Variants in LINGO2 observed in about 807,000 individuals in gnomAD.
LINGO2 encodes the protein leucine-rich repeat and immunoglobulin-like domain-containing nogo receptor-interacting protein 2.
In LINGO2, 14 loss-of-function variants were observed where a neutral mutation model predicts 30.6. That is an observed-to-expected ratio of 0.46 (90% CI 0.30 to 0.72). LINGO2 has a LOEUF of 0.72. LINGO2 is among the 30% of genes least tolerant of loss of function. LINGO2 has a pLI of 0.07. For synonymous variants in LINGO2, 317 were observed against 288.5 expected (o/e 1.10, Z -1.00); for missense variants, 729 against 751.7 (o/e 0.97, Z 0.35).
At chr9:28,996,339 A>G in the LINGO2 span, among the ~76,000 whole-genome samples, 1 of 152,178 alleles carries the variant, frequency 6.6e-6, no homozygotes, top group Non-Finnish European at 1.5e-5. Flanking sequence ...TATGTTAAAC[A>G]GTAGAGAATG....
chr9:27,949,988 T>C (rs1193182397), exon 6 of LINGO2: 1 of 1,614,084 alleles, frequency 6.2e-7, no homozygotes, highest in Admixed American at 1.7e-5. Flanking sequence ...TCTCTAGGTG[T>C]TTCAGGTGGA....
chr9:28,563,744 G>A (rs1192673020), intron 1 of LINGO2, among the ~76,000 whole-genome samples: 1 of 152,088 alleles, frequency 6.6e-6, no homozygotes, highest in East Asian at 1.9e-4. Flanking sequence ...TCTTTGTGGA[G>A]ACTATGATGC....
At chr9:29,144,849 A>G in the LINGO2 span, among the ~76,000 whole-genome samples, 7 of 152,144 alleles carry the variant, frequency 4.6e-5, no homozygotes, top group Non-Finnish European at 1.5e-5. Context: ...TGGGCAGGCA[A>G]AAAACATCTG....
intron 4 of LINGO2, among the ~76,000 whole-genome samples, chr9:28,111,340 G>A (rs964838935): frequency 1.6e-4 from 24 of 151,630 alleles, no homozygotes; most frequent in Non-Finnish European, 2.9e-4. Flanking sequence ...CCACTATGAC[G>A]CATGTATACC....
At position 28,537,673 on chromosome 9, in the gene LINGO2, A is replaced by G. The variant is rs547168291; in HGVS notation, c.-364-61648T>C. Among the ~76,000 whole-genome samples the G allele has an allele frequency of 3.9e-5, 6 of 152,206 alleles. No homozygotes were observed. In the East Asian group the frequency reaches 1.2e-3, roughly 29 times the overall value. On this transcript the variant is annotated intron_variant, in intron 1 of 5. Transcript: ENST00000379992. ...AGTATCCAGAATTAAACTCAGAGAA[A>G]GACGTAAAGATAATAGAAGTGAATA...
chr9:28,338,040 G>C (rs532886138), intron 3 of LINGO2, among the ~76,000 whole-genome samples: 1 of 152,264 alleles, frequency 6.6e-6, no homozygotes, highest in South Asian at 2.1e-4. Flanking sequence ...CCATGCACCT[G>C]GAAAAGCCAC....
rs186145933 is a variant in LINGO2, at chr9:28,406,703, A to G, written c.-278-33835T>C. Among the ~76,000 whole-genome samples, 14 of 152,304 alleles carry G rather than the reference A, an allele frequency of 9.2e-5. No homozygotes were observed. The East Asian group carries it at 1.9e-3, about 21-fold the overall frequency. On this transcript the variant is annotated intron_variant, in intron 2 of 5. Transcript: ENST00000379992. ...AGACAAACATGAATCCATCTGCAGC[A>G]TTCTCCAACCAAATTGTTCTTATTA...
At chr9:29,023,905 T>C in the LINGO2 span, among the ~76,000 whole-genome samples, 1 of 152,154 alleles carries the variant, frequency 6.6e-6, no homozygotes, top group African/African-American at 2.4e-5. Context: ...ATATGTATAA[T>C]ACAGATCTAT....
chr9:28,959,612 T>TCTCTCACACACACACACA, the LINGO2 span, among the ~76,000 whole-genome samples: 115 of 132,194 alleles, frequency 8.7e-4, 1 homozygote, highest in African/African-American at 3.3e-3. Flanking sequence ...TCTCTCTCCC[T>TCTCTCACACACACACACA]CACACACACA....
intron 2 of LINGO2, among the ~76,000 whole-genome samples, chr9:28,466,960 C>A (rs568407286): frequency 6.6e-5 from 10 of 151,820 alleles, no homozygotes; most frequent in Admixed American, 6.6e-4. Flanking sequence ...ACTAACTCTG[C>A]TGATGAGATA....
At chr9:29,049,458 C>A in the LINGO2 span, among the ~76,000 whole-genome samples, 1 of 152,000 alleles carries the variant, frequency 6.6e-6, no homozygotes, top group Non-Finnish European at 1.5e-5. Flanking sequence ...GGGTATATAC[C>A]CAAAATAAAG....
At chr9:29,204,803 C>T in the LINGO2 span, among the ~76,000 whole-genome samples, 1 of 152,142 alleles carries the variant, frequency 6.6e-6, no homozygotes, top group Non-Finnish European at 1.5e-5. Context: ...GTCTTTTTCT[C>T]ACCTTATTTA....
chr9:28,088,285 T>C (rs941002813), intron 4 of LINGO2, among the ~76,000 whole-genome samples: 4 of 151,824 alleles, frequency 2.6e-5, no homozygotes, highest in African/African-American at 9.7e-5. Context: ...GAAAAAGTGA[T>C]GGCACCTGAA....
chr9:28,880,639 G>A, the LINGO2 span, among the ~76,000 whole-genome samples: 6 of 151,618 alleles, frequency 4.0e-5, no homozygotes, highest in African/African-American at 1.2e-4. Context: ...CCCAACACCC[G>A]TAAAGGGTCT....
chr9:28,751,309 A>AAAAG, the LINGO2 span, among the ~76,000 whole-genome samples: 1 of 148,134 alleles, frequency 6.8e-6, no homozygotes. Context: ...AAAAAAAAAA[A>AAAAG]GGGAAGAATT....
the LINGO2 span, among the ~76,000 whole-genome samples, chr9:28,947,203 T>C: frequency 6.6e-6 from 1 of 152,074 alleles, no homozygotes; most frequent in Non-Finnish European, 1.5e-5. Context: ...ATATAGAAGC[T>C]TCAATTTCCA....
the LINGO2 span, among the ~76,000 whole-genome samples, chr9:29,206,851 AT>A: frequency 6.6e-6 from 1 of 152,196 alleles, no homozygotes; most frequent in Non-Finnish European, 1.5e-5. Context: ...ATATTTGCAT[AT>A]TAATTGATGT....
chr9:28,025,445 C>T (rs1282085910), intron 4 of LINGO2, among the ~76,000 whole-genome samples: 2 of 152,208 alleles, frequency 1.3e-5, no homozygotes, highest in African/African-American at 4.8e-5. Flanking sequence ...CCTCAGTGGA[C>T]ACTCTTTTCT....
intron 5 of LINGO2, among the ~76,000 whole-genome samples, chr9:27,968,010 G>A (rs1412728780): frequency 6.6e-6 from 1 of 152,036 alleles, no homozygotes; most frequent in African/African-American, 2.4e-5. Context: ...ATCTACTGAT[G>A]GTTGCCAACT....
Sources: gnomAD v4.1 joint callset for allele counts (sites outside exome capture counted in the v4.1 genomes callset) on GRCh38, gnomAD v4.1.1 for gene constraint, MANE v1.5 for transcripts, NCBI Gene and HGNC (gene_info 2026-07-23, HGNC 2026-07-21) for gene names.